AGBL1: variants seen among roughly 807,000 people sequenced by gnomAD.
AGBL1 encodes the protein AGBL carboxypeptidase 1.
In AGBL1, 130 loss-of-function variants were observed where a neutral mutation model predicts 118.9. The ratio of observed to expected loss-of-function variants is 1.09; its 90% confidence interval spans 0.95 to 1.26. AGBL1 has a LOEUF of 1.26. AGBL1 is among the 50% of genes most tolerant of loss of function. AGBL1 has a pLI of 0.00. For missense variants in AGBL1, 1,584 were observed against 1,298.1 expected, an observed-to-expected ratio of 1.22 and a Z score of -3.38; for synonymous variants, 555 against 478.9, an observed-to-expected ratio of 1.16 and a Z score of -2.08.
At chr15:86,998,667 C>T (rs1469064881) in intron 24 of AGBL1, among the ~76,000 whole-genome samples, 1 of 152,160 alleles carries the variant, frequency 6.6e-6, no homozygotes, top group Non-Finnish European at 1.5e-5. Flanking sequence ...CAGTACTCAA[C>T]AAGGGAATGG....
At chr15:86,248,571 T>C (rs570727557) in intron 7 of AGBL1, among the ~76,000 whole-genome samples, 1 of 152,270 alleles carries the variant, frequency 6.6e-6, no homozygotes, top group Non-Finnish European at 1.5e-5. Flanking sequence ...CCTAGGTTGT[T>C]GTGTGGACTA....
intron 17 of AGBL1, among the ~76,000 whole-genome samples, chr15:86,392,795 C>G (rs58869150): frequency 0.013 from 1,984 of 152,198 alleles, 46 homozygotes; most frequent in African/African-American, 0.043. Flanking sequence ...CCATGACTCC[C>G]CCGTAGACTA....
At chr15:86,700,899 AC>A (rs1355470652) in intron 22 of AGBL1, among the ~76,000 whole-genome samples, 2 of 152,128 alleles carry the variant, frequency 1.3e-5, no homozygotes, top group African/African-American at 4.8e-5. Flanking sequence ...TGTGGTCTCC[AC>A]AAACAACCCC....
intron 22 of AGBL1, among the ~76,000 whole-genome samples, chr15:86,825,875 TGATA>T (rs2079004036): frequency 1.4e-5 from 2 of 140,812 alleles, no homozygotes; most frequent in Non-Finnish European, 3.1e-5. Flanking sequence ...ATGTGACAGA[TGATA>T]GATGGATGGA....
chr15:86,609,147 A>G (rs552089521), intron 21 of AGBL1, among the ~76,000 whole-genome samples: 1 of 152,316 alleles, frequency 6.6e-6, no homozygotes, highest in South Asian at 2.1e-4. Context: ...AAACCCAGAC[A>G]GAGAGATACA....
At chr15:86,986,315 T>C (rs2081281806) in intron 23 of AGBL1, among the ~76,000 whole-genome samples, 1 of 152,186 alleles carries the variant, frequency 6.6e-6, no homozygotes, top group South Asian at 2.1e-4. Flanking sequence ...TAAAAATCAA[T>C]TGACATGTGG....
intron 22 of AGBL1, among the ~76,000 whole-genome samples, chr15:86,744,401 A>G (rs2141241869): frequency 6.6e-6 from 1 of 152,214 alleles, no homozygotes; most frequent in East Asian, 1.9e-4. Context: ...GATATGAAAC[A>G]AGGCCAAGTG....
intron 5 of AGBL1, among the ~76,000 whole-genome samples, chr15:86,166,294 C>T (rs1026657702): frequency 6.6e-6 from 1 of 152,208 alleles, no homozygotes; most frequent in Non-Finnish European, 1.5e-5. Flanking sequence ...TTGCCGACAG[C>T]CTATGCCAAC....
At chr15:86,100,998 G>A (rs1896680786) in intron 1 of AGBL1, among the ~76,000 whole-genome samples, 1 of 151,898 alleles carries the variant, frequency 6.6e-6, no homozygotes, top group Non-Finnish European at 1.5e-5. Context: ...TTTGATGTAG[G>A]CATTTATTGC....
chr15:86,878,887 C>T (rs1204190319), intron 22 of AGBL1, among the ~76,000 whole-genome samples: 1 of 152,242 alleles, frequency 6.6e-6, no homozygotes, highest in Non-Finnish European at 1.5e-5. Flanking sequence ...GTTGGAGGAA[C>T]AGCCACTGGG....
At chr15:86,412,979 C>T (rs182123145) in intron 18 of AGBL1, among the ~76,000 whole-genome samples, 1 of 152,140 alleles carries the variant, frequency 6.6e-6, no homozygotes, top group Admixed American at 6.6e-5. Context: ...AAATAAGTGT[C>T]CCAGGCCATT....
At chr15:86,814,565 C>T (rs529340481) in intron 22 of AGBL1, among the ~76,000 whole-genome samples, 12 of 152,254 alleles carry the variant, frequency 7.9e-5, no homozygotes, top group African/African-American at 2.9e-4. Context: ...GGGATAGTCT[C>T]CATATTCCAT....
intron 17 of AGBL1, among the ~76,000 whole-genome samples, chr15:86,386,836 C>T (rs142917042): frequency 1.3e-5 from 2 of 152,216 alleles, no homozygotes; most frequent in African/African-American, 4.8e-5. Flanking sequence ...ACCACAGTCC[C>T]TATTATAGTG....
chr15:86,931,931 G>C (rs543493257), intron 23 of AGBL1, among the ~76,000 whole-genome samples: 1 of 152,270 alleles, frequency 6.6e-6, no homozygotes, highest in Non-Finnish European at 1.5e-5. Flanking sequence ...AATCAAGTGT[G>C]ATGCTATCTA....
At chr15:86,729,868 A>T (rs1223528603) in intron 22 of AGBL1, among the ~76,000 whole-genome samples, 5 of 152,206 alleles carry the variant, frequency 3.3e-5, no homozygotes, top group African/African-American at 1.2e-4. Context: ...ACAATGCCTC[A>T]ACTAATTTAC....
At chr15:86,420,660 T>C (rs1003739430) in intron 18 of AGBL1, among the ~76,000 whole-genome samples, 3 of 152,090 alleles carry the variant, frequency 2.0e-5, no homozygotes, top group African/African-American at 7.2e-5. Flanking sequence ...AATCACAAAC[T>C]CCTCTGAGCT....
At chr15:86,679,090 A>G (rs1287839448) in intron 22 of AGBL1, among the ~76,000 whole-genome samples, 1 of 152,070 alleles carries the variant, frequency 6.6e-6, no homozygotes, top group Non-Finnish European at 1.5e-5. Context: ...GATGCACTCT[A>G]TAATGAGTTG....
intron 16 of AGBL1, among the ~76,000 whole-genome samples, chr15:86,288,566 A>T (rs983941489): frequency 1.3e-5 from 2 of 152,092 alleles, no homozygotes; most frequent in Admixed American, 6.6e-5. Flanking sequence ...TTTAATTGTC[A>T]GAAAATGTGA....
chr15:86,675,551 G>A (rs1387245230), intron 22 of AGBL1, among the ~76,000 whole-genome samples: 1 of 152,110 alleles, frequency 6.6e-6, no homozygotes, highest in Non-Finnish European at 1.5e-5. Flanking sequence ...AGCTGCCGTT[G>A]CTGATTTATT....
Sources: allele counts gnomAD v4.1 joint callset (sites outside exome capture counted in the v4.1 genomes callset), GRCh38; gene constraint gnomAD v4.1.1; transcripts MANE v1.5; gene names NCBI Gene and HGNC (gene_info 2026-07-23, HGNC 2026-07-21).